The following GPC4 variants were observed in gnomAD, a reference collection of about 807,000 sequenced individuals.
The protein encoded by GPC4 is glypican 4.
GPC4 carries 10 observed loss-of-function variants against 35.0 expected under a neutral mutation model. That is an observed-to-expected ratio of 0.29 (90% CI 0.18 to 0.48). The LOEUF is 0.48. GPC4 is among the 20% of genes least tolerant of loss of function. The pLI is 0.99. For missense variants in GPC4, 322 were observed against 451.3 expected, an observed-to-expected ratio of 0.71 and a Z score of 2.60; for synonymous variants, 167 against 170.2, an observed-to-expected ratio of 0.98 and a Z score of 0.15.
intron 1 of GPC4, among the ~76,000 whole-genome samples, chrX:133,389,503 G>C (rs1273332761): frequency 1.8e-5 from 2 of 111,858 alleles, no homozygotes; most frequent in African/African-American, 6.5e-5. Flanking sequence ...AGATCTACAA[G>C]AGATGAGAAG....
intron 1 of GPC4, among the ~76,000 whole-genome samples, chrX:133,391,890 C>T (rs368936464): frequency 4.5e-5 from 5 of 111,648 alleles, no homozygotes; most frequent in East Asian, 2.8e-4. Context: ...ACTCTACAAA[C>T]GACAATCTAG....
chrX:133,326,468 T>A (rs2068394378), intron 2 of GPC4, among the ~76,000 whole-genome samples: 1 of 111,748 alleles, frequency 8.9e-6, no homozygotes, highest in Non-Finnish European at 1.9e-5. Flanking sequence ...CCATTTTTAC[T>A]ATGGGCACTC....
intron 1 of GPC4, among the ~76,000 whole-genome samples, chrX:133,401,787 C>T (rs1202080631): frequency 9.0e-6 from 1 of 111,607 alleles, no homozygotes; most frequent in Non-Finnish European, 1.9e-5. Context: ...AACCAGCCAG[C>T]TGGGGGCATT....
chrX:133,401,756 C>A (rs1458083351), intron 1 of GPC4, among the ~76,000 whole-genome samples: 1 of 111,757 alleles, frequency 8.9e-6, no homozygotes, highest in Non-Finnish European at 1.9e-5. Context: ...TGTGGGTAAA[C>A]AACAAGGCAG....
At chrX:133,339,459 G>T in intron 1 of GPC4, 118 bp from the exon 2 acceptor site, 1 of 543,441 alleles carries the variant, frequency 1.8e-6, no homozygotes. Context: ...CAGGCAACAT[G>T]TGTATCTAAC....
At chrX:133,406,747 C>CA (rs56973194) in intron 1 of GPC4, among the ~76,000 whole-genome samples, 618 of 38,045 alleles carry the variant, frequency 0.016, 5 homozygotes, top group Non-Finnish European at 0.023. Flanking sequence ...GACTTCGTCT[C>CA]AAAAAAAAAA....
In GPC4 at chrX:133,328,836, T is replaced by G. The variant is rs1457786381; in HGVS notation, c.320-4300A>C. 6.3e-5 allele frequency among the ~76,000 whole-genome samples: 7 copies of G among 111,969 alleles called. No individual in the cohort carries two copies. The East Asian group carries it at 1.9e-3, about 31-fold the overall frequency. The stretch of plus-strand genomic sequence containing the variant: ...CCAAGCAAATTGGAAGTTAGATCTG[T>G]GCAGCAATTGCTTGTATTCATGTAA... On this transcript the variant is annotated intron_variant, in intron 2 of 8. Coordinates refer to ENST00000370828, the MANE Select transcript of GPC4 (RefSeq NM_001448.3).
At chrX:133,376,777 G>A (rs1037513208) in intron 1 of GPC4, among the ~76,000 whole-genome samples, 4 of 111,835 alleles carry the variant, frequency 3.6e-5, no homozygotes, top group Non-Finnish European at 7.5e-5. Flanking sequence ...GTTGGCTTTC[G>A]GGTTCTGTCT....
At chrX:133,354,560 A>ATTTTTT (rs1174002540) in intron 1 of GPC4, among the ~76,000 whole-genome samples, 1 of 93,704 alleles carries the variant, frequency 1.1e-5, no homozygotes, top group African/African-American at 4.8e-5. Context: ...TTATTTATTT[A>ATTTTTT]TTTATTTATT....
At position 133,415,028 on chromosome X, in the gene GPC4, G is replaced by A; in HGVS notation, c.-63C>T. ...CCGGACGGGAAGCGGCGCTACGGCA[G>A]CGGGCCGAGGGCTGGCGGAGTCGGG... is the stretch of plus-strand genomic sequence containing the variant. On this transcript the variant is annotated 5_prime_UTR_variant, in exon 1 of 9. Transcript: ENST00000370828. The A allele has an allele frequency of 9.0e-7, 1 of 1,108,991 alleles. No individual in the cohort carries two copies. Among genetic ancestry groups the A allele is most frequent in the Admixed American group, 2.4e-5 (1 of 42,260 alleles). 91.4% of individuals were successfully genotyped at this position (1,108,991 alleles called of 1,213,427 possible).
intron 4 of GPC4, among the ~76,000 whole-genome samples, chrX:133,306,689 T>C (rs1420669092): frequency 8.9e-6 from 1 of 112,444 alleles, no homozygotes; most frequent in East Asian, 2.8e-4. Flanking sequence ...AAAGGGTTCC[T>C]AGGAATTCTA....
At chrX:133,311,124 G>A (rs778934042) in intron 4 of GPC4, 134 bp downstream of exon 4, 18 of 578,680 alleles carry the variant, frequency 3.1e-5, no homozygotes, top group South Asian at 1.2e-4. Context: ...GTAGTTGAGC[G>A]TAGTCAGGAT....
intron 1 of GPC4, among the ~76,000 whole-genome samples, chrX:133,369,357 C>G (rs2068603017): frequency 8.9e-6 from 1 of 111,794 alleles, no homozygotes; most frequent in African/African-American, 3.3e-5. Context: ...TCCCCCAGAA[C>G]AATTGTCGCT....
rs1334526530 is a variant in GPC4 at position 133,303,058 on chromosome X, T to C, written c.1480A>G (p.Ser494Gly). 7 of 1,209,200 alleles carry C rather than the reference T, an allele frequency of 5.8e-6. No individual in the cohort carries two copies. Among genetic ancestry groups the C allele is most frequent in the Non-Finnish European group, 7.8e-6 (7 of 894,756 alleles). The change falls in exon 9 of 9, where the codon AGT (serine) becomes GGT (glycine). Residue 494 changes from serine (S) to glycine (G), a missense_variant. By Grantham distance (56) the Ser-to-Gly change is moderately conservative. This residue lies in a region of GPC4 where 99 missense variants were observed against 110.0 expected (regional missense o/e 0.90). Transcript: ENST00000370828. Reference sequence around the variant, plus strand: ...CAGCCACTTCCACTTCCTTCTCCACTACTTTCATCACCTAGTTTAAAAAAA... The same window carrying C: ...CAGCCACTTCCACTTCCTTCTCCACCACTTTCATCACCTAGTTTAAAAAAA... ...VDFFDISDES[S>G]GEGSGSGCEY... is the part of the protein sequence containing the mutation.
At chrX:133,401,462 T>C (rs1047036126) in intron 1 of GPC4, among the ~76,000 whole-genome samples, 2 of 111,569 alleles carry the variant, frequency 1.8e-5, no homozygotes, top group African/African-American at 6.5e-5. Flanking sequence ...TACATATATC[T>C]TGAAAGCAGA....
chrX:133,338,762 C>T (rs923482183), intron 2 of GPC4, among the ~76,000 whole-genome samples: 1 of 111,466 alleles, frequency 9.0e-6, no homozygotes, highest in African/African-American at 3.3e-5. Context: ...TTTAGGAATT[C>T]TAGTTGTCTT....
intron 3 of GPC4, among the ~76,000 whole-genome samples, chrX:133,321,798 A>T (rs1030700843): frequency 1.8e-5 from 2 of 111,704 alleles, no homozygotes; most frequent in African/African-American, 6.5e-5. Context: ...AATTATAACA[A>T]TCATCTCCCC....
intron 1 of GPC4, among the ~76,000 whole-genome samples, chrX:133,366,030 G>A (rs1207658288): frequency 8.9e-6 from 1 of 111,963 alleles, no homozygotes; most frequent in Non-Finnish European, 1.9e-5. Context: ...TAACACTACA[G>A]CAGAACATTC....
chrX:133,321,881 G>C (rs1345904186), intron 3 of GPC4, among the ~76,000 whole-genome samples: 1 of 111,800 alleles, frequency 8.9e-6, no homozygotes, highest in Non-Finnish European at 1.9e-5. Flanking sequence ...CAAAGAAGGA[G>C]TGAACAAAAA....
Sources: gnomAD v4.1 joint callset for allele counts (sites outside exome capture counted in the v4.1 genomes callset) on GRCh38, gnomAD v4.1.1 for gene constraint, gnomAD v4.1.1 regional missense constraint, MANE v1.5 for transcripts, NCBI Gene and HGNC (gene_info 2026-07-23, HGNC 2026-07-21) for gene names.